KIF18B: variants seen among roughly 807,000 people sequenced by gnomAD.
The protein encoded by KIF18B is kinesin family member 18B.
A neutral mutation model predicts 80.9 loss-of-function variants in KIF18B; 49 were observed. The ratio of observed to expected loss-of-function variants is 0.61; its 90% CI spans 0.48 to 0.77. The LOEUF is 0.77. Ranked by LOEUF, KIF18B falls within the 30% of genes least tolerant of loss-of-function variation. The probability of loss-of-function intolerance (pLI) is 0.00; values close to 1 mark genes in which losing one functional copy is unlikely to be tolerated. For synonymous variants in KIF18B, 439 were observed against 463.9 expected (o/e 0.95, Z 0.69); for missense variants, 994 against 1,127.7 (o/e 0.88, Z 1.70).
At chr17:44,926,713 C>T (rs1028583029) in intron 14 of KIF18B, among the ~76,000 whole-genome samples, 2 of 152,094 alleles carry the variant, frequency 1.3e-5, no homozygotes, top group Non-Finnish European at 2.9e-5. Context: ...GATGGAGAGT[C>T]CCTTTGCTGG....
At chr17:44,926,881 G>A (rs1402169725) in intron 14 of KIF18B, 108 bp downstream of exon 14, 11 of 941,142 alleles carry the variant, frequency 1.2e-5, no homozygotes, top group Admixed American at 4.2e-5. Context: ...TGCTTGCTCC[G>A]GGGGTGTAGA....
chr17:44,936,236 C>A lies in KIF18B; in HGVS notation c.109G>T (p.Val37Leu). The change falls in exon 2 of 16, where the codon GTG becomes TTG. Residue 37 changes from valine (V) to leucine (L), a missense_variant. Physicochemically the swap from Val to Leu is conservative, Grantham distance 32. Coordinates refer to ENST00000593135, the MANE Select transcript of KIF18B (RefSeq NM_001265577.2). ...RPVVQVVDER[V>L]LVFNPEEPDG... ...GGCTCCTCAGGGTTAAACACCAGCA[C>A]CCGCTCGTCCACCACCTGAACCACT... 1.2e-6 allele frequency: 2 copies of A among 1,610,408 alleles called. No homozygotes were observed. Among genetic ancestry groups the A allele is most frequent in the Non-Finnish European group, 1.7e-6 (2 of 1,178,864 alleles).
rs907509079 is a variant in KIF18B at position 44,927,763 on chromosome 17, A to C, written c.2276+263T>G. Among the ~76,000 whole-genome samples the C allele has an allele frequency of 2.0e-5, 3 of 152,246 alleles. No individual in the cohort carries two copies. Among genetic ancestry groups the C allele is most frequent in the African/African-American group, 7.2e-5 (3 of 41,472 alleles). ...CTGACTCTTTCCAAGTTGGGGTCCC[A>C]TTAGCTACTCATGAGCATGCTACAA... On this transcript the variant is annotated intron_variant, in intron 13 of 15. Coordinates refer to ENST00000593135, the MANE Select transcript of KIF18B (RefSeq NM_001265577.2). This position sits in a 1 kb window ranked among gnomAD's most constrained non-coding sequence, Gnocchi z 4.1.
intron 1 of KIF18B, among the ~76,000 whole-genome samples, chr17:44,945,814 G>A (rs2052500909): frequency 6.6e-6 from 1 of 151,210 alleles, no homozygotes; most frequent in African/African-American, 2.4e-5. Flanking sequence ...GCTGAGGCAG[G>A]AGAATCGCTT....
rs745419600 is a variant in KIF18B, at chr17:44,927,528, C to G, written c.2277-450G>C. On this transcript the variant is annotated intron_variant, in intron 13 of 15. Coordinates refer to ENST00000593135, the MANE Select transcript of KIF18B (RefSeq NM_001265577.2). The surrounding 1 kb of genome is among the most constrained non-coding windows in gnomAD (Gnocchi z 4.1). Reference sequence around the variant, plus strand: ...CCATGTGTGTGGAAAGGGGGAGTGACAGCTTCGTCTTCTCACTGGAAAATA... The same window carrying G: ...CCATGTGTGTGGAAAGGGGGAGTGAGAGCTTCGTCTTCTCACTGGAAAATA... Among the ~76,000 whole-genome samples the G allele has an allele frequency of 1.3e-4, 20 of 152,250 alleles. No individual in the cohort carries two copies. Among genetic ancestry groups the G allele is most frequent in the Non-Finnish European group, 2.6e-4 (18 of 68,046 alleles).
At chr17:44,941,999 C>T (rs1028606795) in intron 1 of KIF18B, among the ~76,000 whole-genome samples, 7 of 151,976 alleles carry the variant, frequency 4.6e-5, no homozygotes, top group East Asian at 3.9e-4. Context: ...TTGGCATAGC[C>T]GCCGCTAGGA....
Position 44,926,974 on chromosome 17 carries a change from C to T in KIF18B, c.2366+15G>A, listed in dbSNP as rs1414926166. ...AGCTCCTTCTCCCAGACAGCTGACA[C>T]CTCCCAAACCTCACCTCGCAACGCG... On this transcript the variant is annotated intron_variant, in intron 14 of 15. Coordinates refer to ENST00000593135, the MANE Select transcript of KIF18B (RefSeq NM_001265577.2). 1 of 1,597,880 alleles carries T rather than the reference C, an allele frequency of 6.3e-7. No individual in the cohort carries two copies. Among genetic ancestry groups the T allele is most frequent in the Admixed American group, 1.7e-5 (1 of 57,746 alleles).
chr17:44,928,799 G>A lies in KIF18B; in HGVS notation c.1723+20C>T. ...GACAGCACCTTGAAGACAGGCAGGG[G>A]AGAGCAGGATGAGACTCACTTGACT... On this transcript the variant is annotated intron_variant, in intron 12 of 15. Transcript: ENST00000593135. 2 of 1,610,286 alleles carry A rather than the reference G, an allele frequency of 1.2e-6. No homozygotes were observed. Among genetic ancestry groups the A allele is most frequent in the Non-Finnish European group, 1.7e-6 (2 of 1,177,766 alleles).
In KIF18B at chr17:44,929,008, G is replaced by A. The variant is rs774835727; in HGVS notation, c.1534C>T (p.Leu512=). The part of the protein sequence containing the change: ...DRSKQLALKV[L]CVAQRQYSLL... Reference sequence around the variant, plus strand: ...GAGTACTGCCGCTGGGCAACGCACAGCACCTTTAGGGCCAACCTGGAACAG... The same window carrying A: ...GAGTACTGCCGCTGGGCAACGCACAACACCTTTAGGGCCAACCTGGAACAG... The change falls in exon 12 of 16, where the codon CTG becomes TTG. Residue 512 remains leucine (L), a synonymous_variant. Coordinates refer to ENST00000593135, the MANE Select transcript of KIF18B (RefSeq NM_001265577.2). 4 of 1,614,008 alleles carry A rather than the reference G, an allele frequency of 2.5e-6. No individual in the cohort carries two copies. The highest frequency in any genetic ancestry group is 1.1e-5 in the South Asian group (1 of 91,088).
intron 1 of KIF18B, among the ~76,000 whole-genome samples, chr17:44,941,033 C>G (rs963229073): frequency 2.0e-5 from 3 of 152,032 alleles, no homozygotes; most frequent in African/African-American, 7.3e-5. Context: ...CCTTTTATCC[C>G]CATTGCAATC....
chr17:44,932,855 C>A, intron 8 of KIF18B, 57 bp downstream of exon 8: 2 of 1,584,012 alleles, frequency 1.3e-6, no homozygotes, highest in South Asian at 1.1e-5. Context: ...GCCACACCCT[C>A]AAGCTCCTGC....
intron 7 of KIF18B, among the ~76,000 whole-genome samples, chr17:44,933,660 T>C (rs1449547471): frequency 6.6e-6 from 1 of 151,948 alleles, no homozygotes; most frequent in Non-Finnish European, 1.5e-5. Flanking sequence ...GCCCAGCAGA[T>C]TTTTGTATTT....
intron 1 of KIF18B, among the ~76,000 whole-genome samples, chr17:44,939,465 G>A (rs1387680516): frequency 1.1e-4 from 16 of 145,026 alleles, no homozygotes; most frequent in Admixed American, 1.0e-3. Flanking sequence ...CCTCACTGTT[G>A]TAATTACTGT....
intron 1 of KIF18B, among the ~76,000 whole-genome samples, chr17:44,941,540 T>C (rs1318746956): frequency 3.3e-5 from 5 of 152,120 alleles, no homozygotes; most frequent in Admixed American, 2.6e-4. Flanking sequence ...GGTTTCACCA[T>C]GTTGGCCAGG....
chr17:44,926,740 A>T (rs1356375923), intron 14 of KIF18B, among the ~76,000 whole-genome samples: 1 of 152,136 alleles, frequency 6.6e-6, no homozygotes, highest in Non-Finnish European at 1.5e-5. Flanking sequence ...GGTGTGCAAC[A>T]TCTCCCTCAT....
chr17:44,934,719 A>T lies in KIF18B; in HGVS notation c.577-102T>A. The T allele has an allele frequency of 8.0e-7, 1 of 1,246,898 alleles. No individual in the cohort carries two copies. The highest frequency in any genetic ancestry group is 1.1e-6 in the Non-Finnish European group (1 of 896,380). 77.2% of individuals were successfully genotyped at this position (1,246,898 alleles called of 1,614,324 possible). A position where few individuals can be genotyped will look rare whatever the true frequency, so the allele number is the denominator to read the frequency against. ...TCAGAATCTACATCACCCCCTTGCTACCACCACCACTGCTACCACCATCAC... is the reference window on the plus strand; with the variant it reads ...TCAGAATCTACATCACCCCCTTGCTTCCACCACCACTGCTACCACCATCAC... On this transcript the variant is annotated intron_variant, in intron 4 of 15. Coordinates refer to ENST00000593135, the MANE Select transcript of KIF18B (RefSeq NM_001265577.2). This position sits in a 1 kb window ranked among gnomAD's most constrained non-coding sequence, Gnocchi z 5.4.
rs554558340 is a variant in KIF18B at position 44,931,654 on chromosome 17, G to C, written c.1465C>G (p.Pro489Ala). 33 of 1,614,004 alleles carry C rather than the reference G, an allele frequency of 2.0e-5. No homozygotes were observed. In the South Asian group the frequency reaches 3.6e-4, roughly 18 times the overall value. ...CGTGCTGAGAAGTGGCCCACGACTG[G>C]CTTGGGCTGCAGGGTCAGGCGAGGG... ...ESPRLTLQPKPVVGHFSAREL... is the reference protein window; with the variant it reads ...ESPRLTLQPKAVVGHFSAREL... Residue 489 changes from proline (P) to alanine (A), a missense_variant, in exon 11 of 16, where the codon CCA becomes GCA. Physicochemically the swap from Pro to Ala is conservative, Grantham distance 27. Coordinates refer to ENST00000593135, the MANE Select transcript of KIF18B (RefSeq NM_001265577.2).
chr17:44,929,003 G>T lies in KIF18B; in HGVS notation c.1539C>A (p.Cys513Ter). The change falls in exon 12 of 16, where the codon TGC (cysteine) becomes TGA (stop). Residue 513 changes from cysteine (C) to a stop codon, truncating the protein, a stop_gained. Transcript: ENST00000593135. LOFTEE classifies it high-confidence loss of function. Reference protein sequence around the residue: ...RSKQLALKVLCVAQRQYSLLQ... With the variant: ...RSKQLALKVL ...GCAGGGAGTACTGCCGCTGGGCAAC[G>T]CACAGCACCTTTAGGGCCAACCTGG... is the stretch of plus-strand genomic sequence containing the variant. 1 of 1,613,992 alleles carries T rather than the reference G, an allele frequency of 6.2e-7. No homozygotes were observed. Among genetic ancestry groups the T allele is most frequent in the Non-Finnish European group, 8.5e-7 (1 of 1,179,884 alleles).
At chr17:44,945,953 C>T (rs2052505316) in intron 1 of KIF18B, among the ~76,000 whole-genome samples, 1 of 147,540 alleles carries the variant, frequency 6.8e-6, no homozygotes, top group Non-Finnish European at 1.5e-5. Context: ...GGCACAGTGG[C>T]TCATGCCTGT....
Sources: gnomAD v4.1 joint callset for allele counts (sites outside exome capture counted in the v4.1 genomes callset) on GRCh38, gnomAD v4.1.1 for gene constraint, Gnocchi (gnomAD v3.1) non-coding constraint, MANE v1.5 for transcripts, NCBI Gene and HGNC (gene_info 2026-07-23, HGNC 2026-07-21) for gene names.